The following SIGLEC1 variants were observed in gnomAD, a reference collection of about 807,000 sequenced individuals.
The protein encoded by SIGLEC1 is sialic acid binding Ig like lectin 1.
In SIGLEC1, 132 loss-of-function variants were observed where a neutral mutation model predicts 148.0. The observed-to-expected ratio is 0.89, with a 90% CI of 0.77 to 1.03. The LOEUF (loss-of-function observed/expected upper bound fraction) is 1.03, where lower values mean the gene tolerates loss of function less well. Ranked by LOEUF, SIGLEC1 falls within the 50% of genes least tolerant of loss-of-function variation. The probability of loss-of-function intolerance (pLI) is 0.00; values close to 1 mark genes in which losing one functional copy is unlikely to be tolerated. For missense variants in SIGLEC1, 2,253 were observed against 2,271.4 expected (o/e 0.99, Z 0.16); for synonymous variants, 945 against 969.0 (o/e 0.98, Z 0.46).
At chr20:3,701,669 C>A in intron 6 of SIGLEC1, 28 bp from the exon 7 acceptor site, 1 of 1,525,692 alleles carries the variant, frequency 6.6e-7, no homozygotes, top group South Asian at 1.3e-5. Flanking sequence ...GTGGGCCTGT[C>A]ACCCTCAGAC....
At position 3,703,106 on chromosome 20, in the gene SIGLEC1, TC is replaced by T. The variant is rs1250333787; in HGVS notation, c.1228+90del. 9 of 1,541,692 alleles carry T rather than the reference TC, an allele frequency of 5.8e-6. No homozygotes were observed. The Admixed American group carries it at 1.6e-4, about 27-fold the overall frequency. ...ACCTCCAGGTAAGTGGCCTTGAAGT[TC>T]CCATGCCCAGGACCCCAACCCTTCC... On this transcript the variant is annotated intron_variant, in intron 6 of 21. Coordinates refer to ENST00000344754, the MANE Select transcript of SIGLEC1 (RefSeq NM_023068.4).
chr20:3,697,432 GC>G, intron 9 of SIGLEC1, 90 bp from the exon 10 acceptor site: 1 of 1,533,676 alleles, frequency 6.5e-7, no homozygotes, highest in Non-Finnish European at 8.9e-7. Context: ...CAGGAAGGAG[GC>G]CCCCTGGGGT....
Position 3,693,642 on chromosome 20 carries a change from G to A in SIGLEC1, c.3313C>T (p.Leu1105=). The A allele has an allele frequency of 6.2e-7, 1 of 1,610,824 alleles. No individual in the cohort carries two copies. The highest frequency in any genetic ancestry group is 8.5e-7 in the Non-Finnish European group (1 of 1,178,536). The change falls in exon 14 of 22, where the codon CTG becomes TTG. Residue 1105 remains leucine, a synonymous_variant. Coordinates refer to ENST00000344754, the MANE Select transcript of SIGLEC1 (RefSeq NM_023068.4). ...ATVREGQLVN[L]TCLVWTTHPA... ...TGAGTGGTCCACACAAGGCAGGTCA[G>A]GTTCACCAGCTGCCCCTCCCGCACG...
At chr20:3,698,871 G>C (rs1261511555) in intron 8 of SIGLEC1, among the ~76,000 whole-genome samples, 1 of 152,238 alleles carries the variant, frequency 6.6e-6, no homozygotes, top group Admixed American at 6.5e-5. Flanking sequence ...AGCACAGCCT[G>C]TGGGGCATGT....
chr20:3,689,209 C>T lies in SIGLEC1; in HGVS notation c.5016G>A (p.Lys1672=). Residue 1672 remains lysine, a synonymous_variant, in exon 21 of 22, where the codon AAG becomes AAA. Transcript: ENST00000344754. ...CCACCGAATTCTCGCCCATGCTCTG[C>T]TTACAAACACGCCTCCTTCTGCAAG... is the stretch of plus-strand genomic sequence containing the variant. ...CYTWRRRRVC[K]QSMGENSVEM... 2 of 1,614,194 alleles carry T rather than the reference C, an allele frequency of 1.2e-6. No individual in the cohort carries two copies. The highest frequency in any genetic ancestry group is 2.2e-5 in the South Asian group (2 of 91,088).
In SIGLEC1 at chr20:3,710,108, T is replaced by A. The variant is rs1322053970; in HGVS notation, c.-110+2362A>T. On this transcript the variant is annotated intron_variant, in intron 1 of 21. Coordinates refer to ENST00000344754, the MANE Select transcript of SIGLEC1 (RefSeq NM_023068.4). The surrounding 1 kb of genome is among the most constrained non-coding windows in gnomAD (Gnocchi z 4.6). ...TTGCCAACTTTGCAATCCTCCCTGGTCCTAAATGCTGACTTGGCCAAGTGA... is the reference window on the plus strand; with the variant it reads ...TTGCCAACTTTGCAATCCTCCCTGGACCTAAATGCTGACTTGGCCAAGTGA... Among the ~76,000 whole-genome samples the A allele has an allele frequency of 6.6e-6, 1 of 152,194 alleles. No individual in the cohort carries two copies. Among genetic ancestry groups the A allele is most frequent in the Non-Finnish European group, 1.5e-5 (1 of 68,032 alleles).
intron 1 of SIGLEC1, among the ~76,000 whole-genome samples, chr20:3,707,814 T>C (rs558786783): frequency 1.3e-5 from 2 of 151,996 alleles, no homozygotes; most frequent in South Asian, 4.1e-4. Flanking sequence ...GGCAGTTCTG[T>C]CTGCTCAAGG....
chr20:3,690,931 A>G (rs1330506516), intron 18 of SIGLEC1, among the ~76,000 whole-genome samples: 1 of 150,832 alleles, frequency 6.6e-6, no homozygotes, highest in Middle Eastern at 3.2e-3. Context: ...CCCAGGCTCA[A>G]GTGAGTCTCC....
rs1403442562 is a variant in SIGLEC1 at position 3,690,094 on chromosome 20, G to A, written c.4762C>T (p.His1588Tyr). Residue 1588 changes from histidine (H) to tyrosine (Y), a missense_variant, in exon 19 of 22, where the codon CAT (histidine) becomes TAT (tyrosine). Coordinates refer to ENST00000344754, the MANE Select transcript of SIGLEC1 (RefSeq NM_023068.4). ...PQGAPAEPHI[H>Y]VLASPNALRV... ...AGGGCATTGGGGGAAGCCAGGACATGGATGTGTGGCTCTGCAGGAGCACCC... is the reference window on the plus strand; with the variant it reads ...AGGGCATTGGGGGAAGCCAGGACATAGATGTGTGGCTCTGCAGGAGCACCC... 1.2e-6 allele frequency: 2 copies of A among 1,611,592 alleles called. No homozygotes were observed. The highest frequency in any genetic ancestry group is 1.7e-5 in the Admixed American group (1 of 59,874).
Position 3,705,888 on chromosome 20 carries a change from T to TTGAGGTTGACAG in SIGLEC1, c.561_562insCTGTCAACCTCA (p.Asn187_Ser188insLeuSerThrSer), listed in dbSNP as rs1374213098. On this transcript the variant is annotated inframe_insertion, in exon 4 of 22. Transcript: ENST00000344754. The stretch of plus-strand genomic sequence containing the variant: ...ACGCCGGTGGGCTCAAACTTCTGGC[T>TTGAGGTTGACAG]GTTGAAGGTGACAGAGCGAGCAGGG... 6.2e-7 allele frequency: 1 copy of TTGAGGTTGACAG among 1,614,092 alleles called. No homozygotes were observed. The highest frequency in any genetic ancestry group is 1.7e-5 in the Admixed American group (1 of 60,028).
intron 13 of SIGLEC1, among the ~76,000 whole-genome samples, chr20:3,694,006 T>C (rs1216261735): frequency 6.6e-6 from 1 of 152,156 alleles, no homozygotes; most frequent in Non-Finnish European, 1.5e-5. Context: ...TGAAATTCCC[T>C]GTTTAGTTTT....
rs746918648 is a variant in SIGLEC1 at position 3,692,138 on chromosome 20, T to A, written c.4095A>T (p.Ile1365=). 6 of 1,596,118 alleles carry A rather than the reference T, an allele frequency of 3.8e-6. No individual in the cohort carries two copies. The highest frequency in any genetic ancestry group is 4.3e-6 in the Non-Finnish European group (5 of 1,171,438). ...GTGGCTCACTGTCCACAGTGCACTG[T>A]ATCACAGCCATGGATCTGGCCCTGG... ...RDSRARSMAV[I]QCTVDSEPPA... Residue 1365 remains isoleucine, a synonymous_variant, in exon 17 of 22, where the codon ATA becomes ATT. Coordinates refer to ENST00000344754, the MANE Select transcript of SIGLEC1 (RefSeq NM_023068.4).
intron 16 of SIGLEC1, 55 bp from the exon 17 acceptor site, chr20:3,692,257 A>C: frequency 1.4e-6 from 2 of 1,474,276 alleles, no homozygotes; most frequent in Non-Finnish European, 1.8e-6. Context: ...TGTACTGCTC[A>C]TTGCCTAGCT....
At chr20:3,691,622 A>G in intron 17 of SIGLEC1, 22 bp from the exon 18 acceptor site, 1 of 1,605,244 alleles carries the variant, frequency 6.2e-7, no homozygotes, top group South Asian at 1.1e-5. Flanking sequence ...GGATAGAGAG[A>G]TGATTGGGGA....
In SIGLEC1 at chr20:3,696,830, A is replaced by G. The variant is rs146803954; in HGVS notation, c.2439T>C (p.Ala813=). 234 of 1,597,480 alleles carry G rather than the reference A, an allele frequency of 1.5e-4. No individual in the cohort carries two copies. Among genetic ancestry groups the G allele is most frequent in the Non-Finnish European group, 1.9e-4 (223 of 1,170,734 alleles). ...ALLDMGQGHM[A]LFICTVDSRP... Reference sequence around the variant, plus strand: ...GGCTGTCCACAGTGCAGATGAACAGAGCCATGTGGCCCTGGCCCATGTCTA... The same window carrying G: ...GGCTGTCCACAGTGCAGATGAACAGGGCCATGTGGCCCTGGCCCATGTCTA... The change falls in exon 11 of 22, where the codon GCT becomes GCC. Residue 813 remains alanine (A), a synonymous_variant. Coordinates refer to ENST00000344754, the MANE Select transcript of SIGLEC1 (RefSeq NM_023068.4).
chr20:3,701,408 C>G lies in SIGLEC1; in HGVS notation c.1462G>C (p.Glu488Gln). 2 of 1,614,190 alleles carry G rather than the reference C, an allele frequency of 1.2e-6. No homozygotes were observed. Residue 488 changes from glutamate to glutamine, a missense_variant, in exon 7 of 22, where the codon GAG becomes CAG. Transcript: ENST00000344754. ...IRDLEETDSG[E>Q]YKCSATNSLG... is the part of the protein sequence containing the mutation. Reference sequence around the variant, plus strand: ...GAGTTGGTGGCTGAGCACTTGTACTCCCCACTGTCAGTTTCCTCCAGGTCT... The same window carrying G: ...GAGTTGGTGGCTGAGCACTTGTACTGCCCACTGTCAGTTTCCTCCAGGTCT...
Position 3,689,136 on chromosome 20 carries a change from G to A in SIGLEC1, c.5070+19C>T, listed in dbSNP as rs759218493. Reference sequence around the variant, plus strand: ...GGTTAGCTGGGTATTATATCTGCCCGTGTGTGTTGAATGGATACCTGCGTG... The same window carrying A: ...GGTTAGCTGGGTATTATATCTGCCCATGTGTGTTGAATGGATACCTGCGTG... On this transcript the variant is annotated intron_variant, in intron 21 of 21. Transcript: ENST00000344754. 5.8e-5 allele frequency: 93 copies of A among 1,604,298 alleles called. No homozygotes were observed. Among genetic ancestry groups the A allele is most frequent in the East Asian group, 5.1e-4 (23 of 44,832 alleles).
Position 3,706,430 on chromosome 20 carries a change from T to A in SIGLEC1, c.326A>T (p.Asp109Val), listed in dbSNP as rs1279309465. 1 of 1,614,070 alleles carries A rather than the reference T, an allele frequency of 6.2e-7. No individual in the cohort carries two copies. The highest frequency in any genetic ancestry group is 1.7e-5 in the Admixed American group (1 of 60,012). The change falls in exon 3 of 22, where the codon GAC becomes GTC. Residue 109 changes from aspartate (D) to valine (V), a missense_variant. Physicochemically the swap from Asp to Val is radical, Grantham distance 152. Transcript: ENST00000344754. ...GAAGCGGAAGTTGTAGGAACCAGAG[T>A]CCTCGGGCTGCAGGTCCTTCAGCAG... ...NLLLKDLQPE[D>V]SGSYNFRFEI...
At chr20:3,696,458 A>C (rs1017697447) in intron 11 of SIGLEC1, 128 bp downstream of exon 11, 14 of 648,614 alleles carry the variant, frequency 2.2e-5, no homozygotes, top group Non-Finnish European at 3.2e-5. Flanking sequence ...TGCTGGCTGG[A>C]AACTGCCCTT....
Sources: allele counts gnomAD v4.1 joint callset (sites outside exome capture counted in the v4.1 genomes callset), GRCh38; gene constraint gnomAD v4.1.1; non-coding constraint Gnocchi (gnomAD v3.1); transcripts MANE v1.5; gene names NCBI Gene and HGNC (gene_info 2026-07-23, HGNC 2026-07-21).